Variants in DLC1 observed in about 807,000 individuals in gnomAD.
DLC1 encodes the protein DLC1 Rho GTPase activating protein.
A neutral mutation model predicts 140.3 loss-of-function variants in DLC1; 54 were observed. The ratio of observed to expected loss-of-function variants is 0.38; its 90% CI spans 0.31 to 0.48. DLC1 has a LOEUF of 0.48. Ranked by LOEUF, DLC1 falls within the 20% of genes least tolerant of loss-of-function variation. The pLI, the probability that DLC1 is intolerant of heterozygous loss-of-function variation, is 0.96. For missense variants in DLC1, 2,536 were observed against 1,907.0 expected, an observed-to-expected ratio of 1.33 and a Z score of -6.14; for synonymous variants, 986 against 728.1, an observed-to-expected ratio of 1.35 and a Z score of -5.70.
In DLC1 at chr8:13,599,980, A is replaced by G. The variant is rs559283921; in HGVS notation, c.-126+4557T>C. 2.6e-5 allele frequency among the ~76,000 whole-genome samples: 4 copies of G among 152,032 alleles called. No individual in the cohort carries two copies. In the East Asian group the frequency reaches 7.7e-4, roughly 29 times the overall value. ...GTTTAGCATCTTCACCACCTTCACC[A>G]TTATCAAATGAGCCTTGCCTGAAAT... On this transcript the variant is annotated intron_variant, in intron 1 of 1. Transcript: ENST00000631382.
At chr8:13,587,777 G>C (rs1293701827) in intron 1 of DLC1, among the ~76,000 whole-genome samples, 1 of 151,702 alleles carries the variant, frequency 6.6e-6, no homozygotes, top group Non-Finnish European at 1.5e-5. Context: ...CTAAAATAAT[G>C]TGCTAGTCAA....
At chr8:13,260,804 T>C (rs1830443245) in intron 5 of DLC1, among the ~76,000 whole-genome samples, 1 of 152,208 alleles carries the variant, frequency 6.6e-6, no homozygotes, top group Non-Finnish European at 1.5e-5. Flanking sequence ...GAGGGGTAAC[T>C]GATTCAAATA....
At chr8:13,475,604 G>C (rs1398996892) in intron 2 of DLC1, among the ~76,000 whole-genome samples, 2 of 152,182 alleles carry the variant, frequency 1.3e-5, no homozygotes, top group Non-Finnish European at 2.9e-5. Context: ...ACAACGAAAA[G>C]AAAGACATAA....
Position 13,312,860 on chromosome 8 carries a change from A to G in DLC1, c.1315-7558T>C, listed in dbSNP as rs143967692. On this transcript the variant is annotated intron_variant, in intron 4 of 17. Transcript: ENST00000276297. ...CTATGAAAGTTCACAATTAAGGAGT[A>G]ATGTAGACATGTAGGCTGATTTCCA... Among the ~76,000 whole-genome samples the G allele has an allele frequency of 3.0e-3, 453 of 152,298 alleles. 2 individuals carry two copies. The highest frequency in any genetic ancestry group is 5.1e-3 in the Non-Finnish European group (348 of 68,012).
In DLC1 at chr8:13,511,252, A is replaced by G. The variant is rs566053874; in HGVS notation, c.-126+3350T>C. On this transcript the variant is annotated intron_variant, in intron 1 of 17. Transcript: ENST00000276297. ...CAGAAACAACCTTTTCACACATGCA[A>G]TTGTCTTTTCCACCCATTTATCTCA... is the stretch of plus-strand genomic sequence containing the variant. 9.5e-4 allele frequency among the ~76,000 whole-genome samples: 145 copies of G among 152,192 alleles called. 1 individual carries two copies. The highest frequency in any genetic ancestry group is 7.4e-5 in the Non-Finnish European group (5 of 68,002).
chr8:13,305,785 C>T (rs1468715189), intron 4 of DLC1, among the ~76,000 whole-genome samples: 1 of 152,184 alleles, frequency 6.6e-6, no homozygotes, highest in Non-Finnish European at 1.5e-5. Flanking sequence ...CTGCAGTGAG[C>T]TATGATCGTG....
chr8:13,196,931 G>A (rs1215646989), intron 5 of DLC1, among the ~76,000 whole-genome samples: 1 of 152,134 alleles, frequency 6.6e-6, no homozygotes, highest in Non-Finnish European at 1.5e-5. Flanking sequence ...ACTTTCTACA[G>A]TTTATTTTTT....
At chr8:13,295,942 GTTTTTTTTT>G (rs71207138) in intron 5 of DLC1, among the ~76,000 whole-genome samples, 2 of 72,874 alleles carry the variant, frequency 2.7e-5, no homozygotes, top group Non-Finnish European at 4.9e-5. Context: ...AAGATTCTTT[GTTTTTTTTT>G]TTTTTTTTTT....
chr8:13,219,371 C>CA (rs1828425045), intron 5 of DLC1, among the ~76,000 whole-genome samples: 2 of 112,890 alleles, frequency 1.8e-5, no homozygotes, highest in East Asian at 4.5e-4. Context: ...AATTCATATA[C>CA]TTATATAATT....
chr8:13,451,986 A>C (rs1201697442), intron 2 of DLC1, among the ~76,000 whole-genome samples: 1 of 152,196 alleles, frequency 6.6e-6, no homozygotes, highest in African/African-American at 2.4e-5. Context: ...CATGAACACC[A>C]ACAGAGTACG....
chr8:13,395,008 A>T (rs561999880), intron 3 of DLC1, among the ~76,000 whole-genome samples: 1 of 78,876 alleles, frequency 1.3e-5, no homozygotes, highest in South Asian at 4.2e-4. Context: ...TACATATTCT[A>T]TCTATCTATC....
At chr8:13,165,375 G>C (rs925484929) in intron 5 of DLC1, among the ~76,000 whole-genome samples, 3 of 152,170 alleles carry the variant, frequency 2.0e-5, no homozygotes, top group Non-Finnish European at 4.4e-5. Context: ...AGGTTTTCGC[G>C]TGACACACGG....
intron 5 of DLC1, among the ~76,000 whole-genome samples, chr8:13,293,858 T>C (rs764109169): frequency 5.9e-5 from 9 of 152,154 alleles, no homozygotes; most frequent in Non-Finnish European, 8.8e-5. Flanking sequence ...CTATGTTCTA[T>C]TGGTTCTGGT....
At chr8:13,093,182 TACTGAAAAC>T (rs920528442) in intron 12 of DLC1, among the ~76,000 whole-genome samples, 1 of 152,128 alleles carries the variant, frequency 6.6e-6, no homozygotes, top group African/African-American at 2.4e-5. Flanking sequence ...CAATCTCAAT[TACTGAAAAC>T]ACTATACACT....
intron 2 of DLC1, among the ~76,000 whole-genome samples, chr8:13,443,494 C>T (rs1798633678): frequency 6.6e-6 from 1 of 151,046 alleles, no homozygotes; most frequent in African/African-American, 2.4e-5. Context: ...CCCGTCTCTA[C>T]TAAATATACA....
At chr8:13,430,962 AT>A (rs1838834790) in intron 2 of DLC1, among the ~76,000 whole-genome samples, 1 of 152,258 alleles carries the variant, frequency 6.6e-6, no homozygotes, top group South Asian at 2.1e-4. Flanking sequence ...ATGAAGTCGC[AT>A]GAAACATATT....
intron 5 of DLC1, among the ~76,000 whole-genome samples, chr8:13,210,954 T>G (rs558262640): frequency 6.6e-6 from 1 of 152,318 alleles, no homozygotes; most frequent in Non-Finnish European, 1.5e-5. Context: ...GTCAGCTTTC[T>G]CATTCTTCTA....
At chr8:13,242,580 G>T (rs1045991678) in intron 5 of DLC1, among the ~76,000 whole-genome samples, 1 of 151,944 alleles carries the variant, frequency 6.6e-6, no homozygotes, top group African/African-American at 2.4e-5. Context: ...TTTTTGTACA[G>T]ACAGAGTTTT....
intron 2 of DLC1, among the ~76,000 whole-genome samples, chr8:13,436,227 A>G (rs149666983): frequency 6.6e-6 from 1 of 152,190 alleles, no homozygotes; most frequent in Admixed American, 6.5e-5. Flanking sequence ...ACATTCTATC[A>G]TTATTTTCCT....
Sources: allele counts gnomAD v4.1 joint callset (sites outside exome capture counted in the v4.1 genomes callset), GRCh38; gene constraint gnomAD v4.1.1; transcripts MANE v1.5; gene names NCBI Gene and HGNC (gene_info 2026-07-23, HGNC 2026-07-21).